LRRC69: variants seen among roughly 807,000 people sequenced by gnomAD.
LRRC69 encodes leucine rich repeat containing 69.
In LRRC69, 42 loss-of-function variants were observed where a neutral mutation model predicts 37.8. The ratio of observed to expected loss-of-function variants is 1.11; its 90% CI spans 0.87 to 1.44. The LOEUF (loss-of-function observed/expected upper bound fraction) is 1.44. Among genes scored for constraint, LRRC69 ranks in the 40% most tolerant of loss-of-function variants. The pLI is 0.00. For missense variants in LRRC69, 357 were observed against 401.9 expected (o/e 0.89, Z 0.96); for synonymous variants, 141 against 143.1 (o/e 0.99, Z 0.11).
intron 5 of LRRC69, 80 bp from the exon 6 acceptor site, chr8:91,189,442 T>C: frequency 3.2e-6 from 3 of 938,262 alleles, no homozygotes; most frequent in South Asian, 3.3e-5. Context: ...GTAATTTCAG[T>C]TTAATTTTAT....
intron 5 of LRRC69, among the ~76,000 whole-genome samples, chr8:91,173,722 G>A (rs1051253578): frequency 1.3e-5 from 2 of 151,966 alleles, no homozygotes; most frequent in African/African-American, 2.4e-5. Flanking sequence ...GTGTCTGTTC[G>A]GGGCTTGCAC....
chr8:91,197,672 G>A (rs570714057), intron 6 of LRRC69, among the ~76,000 whole-genome samples: 1 of 152,072 alleles, frequency 6.6e-6, no homozygotes, highest in South Asian at 2.1e-4. Flanking sequence ...TGCGCTTCCC[G>A]AGTGAGGCAA....
intron 6 of LRRC69, among the ~76,000 whole-genome samples, chr8:91,192,707 T>C (rs990841697): frequency 1.3e-5 from 2 of 152,184 alleles, no homozygotes; most frequent in African/African-American, 4.8e-5. Context: ...GTTTTTTTCT[T>C]GTAAATTTGT....
chr8:91,194,631 G>C (rs1809561799), intron 6 of LRRC69, among the ~76,000 whole-genome samples: 1 of 151,950 alleles, frequency 6.6e-6, no homozygotes, highest in African/African-American at 2.4e-5. Flanking sequence ...TAGTTTATTT[G>C]CGTAGAGGTG....
chr8:91,200,553 A>G (rs1462944472), intron 6 of LRRC69, 60 bp from the exon 7 acceptor site: 37 of 1,073,094 alleles, frequency 3.4e-5, no homozygotes, highest in Non-Finnish European at 4.3e-5. Context: ...ATGGAAATCA[A>G]TGTAATGTAA....
exon 6 of LRRC69, chr8:91,189,573 C>G: frequency 6.4e-7 from 1 of 1,551,164 alleles, no homozygotes; most frequent in Non-Finnish European, 8.7e-7. Context: ...CCCACTGTTC[C>G]TGCAGCAGCC....
chr8:91,112,801 G>C (rs375266778), intron 1 of LRRC69, among the ~76,000 whole-genome samples: 9 of 152,044 alleles, frequency 5.9e-5, no homozygotes, highest in Admixed American at 5.2e-4. Context: ...GTTTGCAAAT[G>C]ACATGATCAT....
intron 7 of LRRC69, among the ~76,000 whole-genome samples, chr8:91,207,582 C>A (rs1809826829): frequency 6.6e-6 from 1 of 152,198 alleles, no homozygotes; most frequent in African/African-American, 2.4e-5. Context: ...TGTTAAGTTA[C>A]TTTAAGAGGC....
chr8:91,197,427 C>T (rs1586281256), intron 6 of LRRC69, among the ~76,000 whole-genome samples: 1 of 151,900 alleles, frequency 6.6e-6, no homozygotes, highest in African/African-American at 2.4e-5. Flanking sequence ...CAATGGCGGG[C>T]GCCCCTCCCC....
At chr8:91,169,523 A>ATT (rs148090061) in intron 5 of LRRC69, among the ~76,000 whole-genome samples, 407 of 150,698 alleles carry the variant, frequency 2.7e-3, no homozygotes, top group African/African-American at 9.4e-3. Flanking sequence ...TGTGTATATA[A>ATT]TTTTTTTTTT....
chr8:91,129,516 C>T (rs1563598054), intron 3 of LRRC69, among the ~76,000 whole-genome samples: 1 of 151,638 alleles, frequency 6.6e-6, no homozygotes, highest in Non-Finnish European at 1.5e-5. Context: ...AAGTTAAAAC[C>T]AACTCCCATG....
intron 5 of LRRC69, among the ~76,000 whole-genome samples, chr8:91,170,970 C>G (rs1014913891): frequency 1.7e-4 from 24 of 144,464 alleles, no homozygotes; most frequent in East Asian, 6.1e-4. Flanking sequence ...AGGCAACCTA[C>G]AAAATGGGAG....
chr8:91,147,250 A>AT (rs1808636758), intron 5 of LRRC69, among the ~76,000 whole-genome samples: 1 of 114,520 alleles, frequency 8.7e-6, no homozygotes, highest in South Asian at 3.0e-4. Flanking sequence ...ATAAACATAT[A>AT]ATATATATTA....
At chr8:91,174,705 A>G (rs4602848) in intron 5 of LRRC69, among the ~76,000 whole-genome samples, 103,673 of 152,082 alleles carry the variant, frequency 0.68, 35,871 homozygotes, top group African/African-American at 0.76. Flanking sequence ...CCAGGGCAGA[A>G]GTTGGGAGCT....
At chr8:91,177,283 A>G (rs1354154494) in intron 5 of LRRC69, among the ~76,000 whole-genome samples, 1 of 152,208 alleles carries the variant, frequency 6.6e-6, no homozygotes, top group African/African-American at 2.4e-5. Context: ...GAGTTTTAAG[A>G]GAAATTTTGG....
chr8:91,151,460 A>G (rs938861017), intron 5 of LRRC69, among the ~76,000 whole-genome samples: 2 of 151,612 alleles, frequency 1.3e-5, no homozygotes, highest in South Asian at 2.1e-4. Context: ...ACAGTTTGTT[A>G]TAATTTCTGT....
chr8:91,150,484 T>A (rs1409269730), intron 5 of LRRC69, among the ~76,000 whole-genome samples: 1 of 152,022 alleles, frequency 6.6e-6, no homozygotes, highest in African/African-American at 2.4e-5. Context: ...GGATTCAGTT[T>A]GCCAGTATTT....
At chr8:91,110,978 A>T (rs923128944) in intron 1 of LRRC69, among the ~76,000 whole-genome samples, 10 of 152,114 alleles carry the variant, frequency 6.6e-5, no homozygotes, top group African/African-American at 2.4e-4. Context: ...CATAATGACT[A>T]TTCCATAGTT....
At chr8:91,116,976 G>A (rs962828256) in intron 1 of LRRC69, among the ~76,000 whole-genome samples, 18 of 152,156 alleles carry the variant, frequency 1.2e-4, no homozygotes, top group Admixed American at 5.9e-4. Flanking sequence ...AGATGTAAGA[G>A]AAAGTGCACA....
Sources: allele counts gnomAD v4.1 joint callset (sites outside exome capture counted in the v4.1 genomes callset), GRCh38; gene constraint gnomAD v4.1.1; transcripts MANE v1.5; gene names NCBI Gene and HGNC (gene_info 2026-07-23, HGNC 2026-07-21).